EPHB2: variants seen among roughly 807,000 people sequenced by gnomAD.
The protein encoded by EPHB2 is EPH receptor B2.
A neutral mutation model predicts 96.4 loss-of-function variants in EPHB2; 18 were observed. The observed-to-expected ratio is 0.19, with a 90% CI of 0.13 to 0.28. The LOEUF is 0.28. Ranked by LOEUF, EPHB2 falls within the 10% of genes least tolerant of loss-of-function variation. The pLI, the probability that EPHB2 is intolerant of heterozygous loss-of-function variation, is 1.00. For missense variants in EPHB2, 989 were observed against 1,355.4 expected (o/e 0.73, Z 4.25); for synonymous variants, 506 against 534.1 (o/e 0.95, Z 0.72).
chr1:22,866,904 A>T (rs1325539141), intron 5 of EPHB2, among the ~76,000 whole-genome samples: 1 of 152,192 alleles, frequency 6.6e-6, no homozygotes, highest in East Asian at 1.9e-4. Context: ...ATTGCACTCC[A>T]GCCTGGGTGA....
chr1:22,737,223 C>G (rs1643851242), intron 1 of EPHB2, among the ~76,000 whole-genome samples: 2 of 152,166 alleles, frequency 1.3e-5, no homozygotes, highest in African/African-American at 4.8e-5. Flanking sequence ...CCCCCTGCCC[C>G]ACCTGGACCA....
chr1:22,842,096 C>T (rs919538051), intron 3 of EPHB2, among the ~76,000 whole-genome samples: 9 of 152,092 alleles, frequency 5.9e-5, no homozygotes, highest in African/African-American at 2.2e-4. Context: ...GAGCAAAGAG[C>T]TGTCGGGAGT....
At chr1:22,887,726 C>A (rs1486904223) in intron 6 of EPHB2, among the ~76,000 whole-genome samples, 1 of 152,222 alleles carries the variant, frequency 6.6e-6, no homozygotes, top group Non-Finnish European at 1.5e-5. Flanking sequence ...CCCACTGGTC[C>A]CCCAAGAACT....
intron 3 of EPHB2, among the ~76,000 whole-genome samples, chr1:22,806,904 C>A (rs184282869): frequency 6.6e-6 from 1 of 152,314 alleles, no homozygotes; most frequent in East Asian, 1.9e-4. Context: ...CACCACCCCC[C>A]AGCCCTACTT....
At chr1:22,720,664 C>CG (rs1386137916) in intron 1 of EPHB2, among the ~76,000 whole-genome samples, 3 of 103,396 alleles carry the variant, frequency 2.9e-5, no homozygotes, top group African/African-American at 9.9e-5. Flanking sequence ...TCTCATTCCC[C>CG]CCCCCCCCCG....
chr1:22,912,274 A>T (rs960303318), intron 14 of EPHB2, among the ~76,000 whole-genome samples, 170 bp from the exon 15 acceptor site: 9 of 152,054 alleles, frequency 5.9e-5, no homozygotes, highest in Non-Finnish European at 1.0e-4. Context: ...ACAGGTTCAA[A>T]CCCATGCCCG....
chr1:22,733,741 T>G lies in EPHB2; in HGVS notation c.61+22698T>G, dbSNP rs918320546. Among the ~76,000 whole-genome samples the G allele has an allele frequency of 6.6e-6, 1 of 152,218 alleles. No individual in the cohort carries two copies. The highest frequency in any genetic ancestry group is 1.5e-5 in the Non-Finnish European group (1 of 68,044). ...GATTCTCTAAGTCCAAAGCCCATGC[T>G]CATGACACGCTACTACATCAGGCTG... On this transcript the variant is annotated intron_variant, in intron 1 of 15. Coordinates refer to ENST00000374630, the MANE Select transcript of EPHB2 (RefSeq NM_017449.5). This position sits in a 1 kb window ranked among gnomAD's most constrained non-coding sequence, Gnocchi z 4.6.
At chr1:22,725,402 G>A (rs2148344724) in intron 1 of EPHB2, among the ~76,000 whole-genome samples, 1 of 152,140 alleles carries the variant, frequency 6.6e-6, no homozygotes, top group Admixed American at 6.5e-5. Flanking sequence ...TGAGTAGAGG[G>A]ACAATGGCAG....
intron 1 of EPHB2, among the ~76,000 whole-genome samples, chr1:22,742,095 C>T (rs1282351654): frequency 6.6e-6 from 1 of 152,156 alleles, no homozygotes; most frequent in Non-Finnish European, 1.5e-5. Flanking sequence ...TGGGCAGGGT[C>T]CAAGCCAGCA....
chr1:22,768,707 G>T (rs1343602284), intron 1 of EPHB2, among the ~76,000 whole-genome samples: 1 of 150,288 alleles, frequency 6.7e-6, no homozygotes. Context: ...AAAAAAAAAA[G>T]AAGACTCTTT....
chr1:22,883,060 T>A (rs1639102501), intron 6 of EPHB2, among the ~76,000 whole-genome samples: 1 of 152,150 alleles, frequency 6.6e-6, no homozygotes, highest in African/African-American at 2.4e-5. Context: ...GGACTAAGAG[T>A]GAGAAGCCGT....
chr1:22,827,419 A>G (rs1645240883), intron 3 of EPHB2, among the ~76,000 whole-genome samples: 1 of 152,180 alleles, frequency 6.6e-6, no homozygotes, highest in Non-Finnish European at 1.5e-5. Context: ...TCCCCAGTGT[A>G]TTCTCCGCAA....
At chr1:22,889,546 A>G (rs1467416) in intron 6 of EPHB2, among the ~76,000 whole-genome samples, 59,608 of 152,114 alleles carry the variant, frequency 0.39, 13,682 homozygotes, top group Non-Finnish European at 0.52. Context: ...TGAGCAAGAC[A>G]TGGTCCCTGG....
At chr1:22,754,820 G>GAT (rs1644118648) in intron 1 of EPHB2, among the ~76,000 whole-genome samples, 1 of 7,100 alleles carries the variant, frequency 1.4e-4, no homozygotes, top group African/African-American at 4.9e-4. Flanking sequence ...GCAGGGGAAG[G>GAT]GAGGTGAGGG....
chr1:22,803,677 ATATATG>A (rs1163593748), intron 3 of EPHB2, among the ~76,000 whole-genome samples: 13 of 142,954 alleles, frequency 9.1e-5, no homozygotes, highest in African/African-American at 1.8e-4. Flanking sequence ...ATATGTGTGT[ATATATG>A]TATATATATG....
chr1:22,764,536 A>C (rs1319847696), intron 1 of EPHB2, among the ~76,000 whole-genome samples: 2 of 152,136 alleles, frequency 1.3e-5, no homozygotes. Flanking sequence ...ATTTGAGGCC[A>C]GGAGTTCGAA....
At chr1:22,843,309 G>A (rs2148500492) in intron 3 of EPHB2, among the ~76,000 whole-genome samples, 1 of 152,314 alleles carries the variant, frequency 6.6e-6, no homozygotes, top group South Asian at 2.1e-4. Flanking sequence ...ACCCAGGTCT[G>A]TCTAATTCTA....
chr1:22,831,568 G>A (rs1645304204), intron 3 of EPHB2, among the ~76,000 whole-genome samples: 1 of 151,978 alleles, frequency 6.6e-6, no homozygotes. Flanking sequence ...GGCTCAAGGA[G>A]CCTGAGTGGT....
In EPHB2 at chr1:22,906,692, T is replaced by G. The variant is rs370014395; in HGVS notation, c.1889-18T>G. ...CCTGGCAAGTGACATCCTGTCTGTC[T>G]TGGTGTTTCTCTCTCAGGGGAGTTT... On this transcript the variant is annotated intron_variant, in intron 10 of 15. Transcript: ENST00000374630. This position sits in a 1 kb window ranked among gnomAD's most constrained non-coding sequence, Gnocchi z 4.8. The G allele has an allele frequency of 2.5e-6, 4 of 1,613,976 alleles. No individual in the cohort carries two copies. The highest frequency in any genetic ancestry group is 3.4e-6 in the Non-Finnish European group (4 of 1,180,032).
Sources: allele counts gnomAD v4.1 joint callset (sites outside exome capture counted in the v4.1 genomes callset), GRCh38; gene constraint gnomAD v4.1.1; non-coding constraint Gnocchi (gnomAD v3.1); transcripts MANE v1.5; gene names NCBI Gene and HGNC (gene_info 2026-07-23, HGNC 2026-07-21).